The following SH2D3C variants were observed in gnomAD, a reference collection of about 807,000 sequenced individuals.
SH2D3C encodes the protein SH2 domain containing 3C, also known as SH2 domain-containing protein 3C.
Under a neutral mutation model 75.2 loss-of-function variants are expected in SH2D3C, and 25 were observed. That is an observed-to-expected ratio of 0.33 (90% confidence interval 0.24 to 0.46). The LOEUF is 0.46. Ranked by LOEUF, SH2D3C falls within the 20% of genes least tolerant of loss-of-function variation. The pLI, the probability that SH2D3C is intolerant of heterozygous loss-of-function variation, is 1.00. For synonymous variants in SH2D3C, 450 were observed against 473.7 expected (o/e 0.95, Z 0.65); for missense variants, 933 against 1,165.3 (o/e 0.80, Z 2.90).
chr9:127,764,172 A>C (rs1406399633), intron 2 of SH2D3C, among the ~76,000 whole-genome samples: 1 of 152,128 alleles, frequency 6.6e-6, no homozygotes, highest in Non-Finnish European at 1.5e-5. Flanking sequence ...CCTGCACAAG[A>C]GATCAGGCCT....
chr9:127,771,158 C>A, intron 2 of SH2D3C: 3 of 1,510,934 alleles, frequency 2.0e-6, no homozygotes, highest in South Asian at 2.5e-5. Flanking sequence ...CCCCGCTGGC[C>A]CTCCCCAGGC....
chr9:127,769,079 C>A (rs904997413), intron 2 of SH2D3C, among the ~76,000 whole-genome samples: 3 of 152,170 alleles, frequency 2.0e-5, no homozygotes, highest in Non-Finnish European at 4.4e-5. Context: ...CCACAGAACT[C>A]ATTTATCTTG....
At chr9:127,772,537 G>A (rs1409668118) in intron 2 of SH2D3C, among the ~76,000 whole-genome samples, 1 of 152,174 alleles carries the variant, frequency 6.6e-6, no homozygotes, top group African/African-American at 2.4e-5. Context: ...TGGGATTACA[G>A]GCGTGAGCCA....
chr9:127,770,328 C>G (rs1845710423), intron 2 of SH2D3C, among the ~76,000 whole-genome samples: 1 of 152,150 alleles, frequency 6.6e-6, no homozygotes, highest in South Asian at 2.1e-4. Context: ...CAGCTTAGGC[C>G]TGGGATGGCC....
intron 3 of SH2D3C, among the ~76,000 whole-genome samples, chr9:127,753,973 TC>T (rs998793529): frequency 2.6e-5 from 4 of 152,138 alleles, no homozygotes; most frequent in African/African-American, 9.7e-5. Context: ...GAGACTGGGC[TC>T]CCCTTTTCCA....
In SH2D3C at chr9:127,749,138, A is replaced by AC; in HGVS notation, c.1139+72dup. ...GAGTAATTTCATCCCATTTCAGTGTACCTAGGCCTTCTCTTTCTCACTAGC... is the reference window on the plus strand; with the variant it reads ...GAGTAATTTCATCCCATTTCAGTGTACCCTAGGCCTTCTCTTTCTCACTAGC... On this transcript the variant is annotated intron_variant, in intron 5 of 11. Transcript: ENST00000314830. The surrounding 1 kb of genome is among the most constrained non-coding windows in gnomAD (Gnocchi z 5.9). The AC allele has an allele frequency of 9.2e-7, 1 of 1,089,904 alleles. No individual in the cohort carries two copies. The highest frequency in any genetic ancestry group is 1.3e-6 in the Non-Finnish European group (1 of 755,514). The allele number at this position is 1,089,904 out of a possible 1,614,324, so 67.5% of individuals were successfully genotyped here. A position where few individuals can be genotyped will look rare whatever the true frequency, so the allele number is the denominator to read the frequency against.
intron 9 of SH2D3C, 58 bp downstream of exon 9, chr9:127,741,730 C>G: frequency 6.4e-7 from 1 of 1,557,122 alleles, no homozygotes; most frequent in Non-Finnish European, 8.7e-7. Context: ...ATCCCAAAGG[C>G]ACCCCAGGGC....
chr9:127,758,627 C>T (rs545392732), intron 3 of SH2D3C, among the ~76,000 whole-genome samples: 4 of 152,184 alleles, frequency 2.6e-5, no homozygotes, highest in Non-Finnish European at 1.5e-5. Context: ...TCTGGGCTCA[C>T]GCAGTTTACT....
At chr9:127,741,235 C>T (rs1844844760) in intron 9 of SH2D3C, among the ~76,000 whole-genome samples, 2 of 148,628 alleles carry the variant, frequency 1.3e-5, no homozygotes, top group Non-Finnish European at 1.5e-5. Context: ...CCACTTTCTT[C>T]TTATTCTTTT....
chr9:127,766,988 C>A, intron 2 of SH2D3C: 1 of 1,536,194 alleles, frequency 6.5e-7, no homozygotes, highest in Non-Finnish European at 8.7e-7. Flanking sequence ...TGGAAAGCCC[C>A]GTCTCTGCCA....
In SH2D3C at chr9:127,751,112, G is replaced by C; in HGVS notation, c.684+60C>G. 1.3e-6 allele frequency: 2 copies of C among 1,578,342 alleles called. No individual in the cohort carries two copies. The highest frequency in any genetic ancestry group is 1.7e-6 in the Non-Finnish European group (2 of 1,153,296). On this transcript the variant is annotated intron_variant, in intron 4 of 11. Transcript: ENST00000314830. The surrounding 1 kb of genome is among the most constrained non-coding windows in gnomAD (Gnocchi z 4.1). ...CCAGGTGGCTGCAGCCAGGGCTGGG[G>C]CTGGCCAAGGCAGTGGGTGGGAGGG...
intron 3 of SH2D3C, among the ~76,000 whole-genome samples, chr9:127,757,594 C>T (rs948467927): frequency 6.8e-6 from 1 of 148,044 alleles, no homozygotes; most frequent in Admixed American, 6.9e-5. Context: ...GCATGCACCA[C>T]CATACCCAGA....
rs747508706 is a variant in SH2D3C, at chr9:127,741,902, C to T, written c.1974G>A (p.Ala658=). The T allele has an allele frequency of 1.4e-5, 22 of 1,612,974 alleles. No homozygotes were observed. The highest frequency in any genetic ancestry group is 1.9e-5 in the Non-Finnish European group (22 of 1,179,972). Residue 658 remains alanine (A), a synonymous_variant, in exon 9 of 12, where the codon GCG becomes GCA. Coordinates refer to ENST00000314830, the MANE Select transcript of SH2D3C (RefSeq NM_170600.3). ...TGTGCAGCAGCGCTGCCCGCTCCTC[C>T]GCAGAGCCGGTGCAGCCCAGGATGT... ...AVDILGCTGS[A]EERAALLHKT... is the part of the protein sequence containing the mutation.
chr9:127,774,115 A>T lies in SH2D3C; in HGVS notation c.390T>A (p.Pro130=), dbSNP rs1291197652. The T allele has an allele frequency of 6.2e-7, 1 of 1,614,044 alleles. No individual in the cohort carries two copies. The highest frequency in any genetic ancestry group is 2.2e-5 in the East Asian group (1 of 44,866). Residue 130 remains proline, a synonymous_variant, in exon 2 of 12, where the codon CCT becomes CCA. Coordinates refer to ENST00000314830, the MANE Select transcript of SH2D3C (RefSeq NM_170600.3). This position sits in a 1 kb window ranked among gnomAD's most constrained non-coding sequence, Gnocchi z 4.3. ...GTTCCATTGCTGGGGTGTCCTCTAG[A>T]GGGCCAGTGGCCTTCACCATCACCT... The part of the protein sequence containing the change: ...AKEVMVKATG[P]LEDTPAMEPN...
Position 127,739,145 on chromosome 9 carries a change from C to T in SH2D3C, c.2408-224G>A, listed in dbSNP as rs925455299. Among the ~76,000 whole-genome samples, 2 of 128,022 alleles carry T rather than the reference C, an allele frequency of 1.6e-5. No homozygotes were observed. Among genetic ancestry groups the T allele is most frequent in the African/African-American group, 6.7e-5 (2 of 29,920 alleles). The allele number at this position is 128,022 out of a possible 152,430, so 84.0% of individuals were successfully genotyped here. On this transcript the variant is annotated intron_variant, in intron 11 of 11. Transcript: ENST00000314830. This position sits in a 1 kb window ranked among gnomAD's most constrained non-coding sequence, Gnocchi z 4.3. ...AAAATATTAATGTTAAATATGTTTG[C>T]AGATTTTTGGTGATTTTTTTTCTTT...
chr9:127,750,741 T>G (rs7875568), intron 4 of SH2D3C, among the ~76,000 whole-genome samples: 11,688 of 152,254 alleles, frequency 0.077, 1,007 homozygotes, highest in African/African-American at 0.21. Context: ...ATCAACTTAA[T>G]TCTGTGGCTT....
intron 3 of SH2D3C, among the ~76,000 whole-genome samples, chr9:127,757,456 G>A (rs1286459721): frequency 2.0e-5 from 3 of 149,362 alleles, no homozygotes; most frequent in Non-Finnish European, 4.4e-5. Flanking sequence ...TTCAAGACAT[G>A]GTCTCACTCT....
chr9:127,766,442 G>A (rs1845636407), intron 2 of SH2D3C, among the ~76,000 whole-genome samples: 1 of 152,234 alleles, frequency 6.6e-6, no homozygotes, highest in African/African-American at 2.4e-5. Context: ...AGAAGGAGGG[G>A]TGCAAGGTTT....
intron 8 of SH2D3C, among the ~76,000 whole-genome samples, 199 bp from the exon 9 acceptor site, chr9:127,742,158 A>AG (rs1443272587): frequency 3.9e-5 from 6 of 152,040 alleles, no homozygotes; most frequent in African/African-American, 1.2e-4. Flanking sequence ...AGCATAAATC[A>AG]GGGGCGGGGC....
Sources: gnomAD v4.1 joint callset for allele counts (sites outside exome capture counted in the v4.1 genomes callset) on GRCh38, gnomAD v4.1.1 for gene constraint, Gnocchi (gnomAD v3.1) non-coding constraint, MANE v1.5 for transcripts, NCBI Gene and HGNC (gene_info 2026-07-23, HGNC 2026-07-21) for gene names.